ADGRF1: variants seen among roughly 807,000 people sequenced by gnomAD.
ADGRF1 encodes the protein adhesion G protein-coupled receptor F1.
In ADGRF1, 85 loss-of-function variants were observed where a neutral mutation model predicts 87.2. That is an observed-to-expected ratio of 0.97 (90% CI 0.82 to 1.17). ADGRF1 has a LOEUF of 1.17. ADGRF1 is among the 50% of genes most tolerant of loss of function. The probability of loss-of-function intolerance (pLI) is 0.00; values close to 1 mark genes in which losing one functional copy is unlikely to be tolerated. For missense variants in ADGRF1, 1,169 were observed against 1,077.2 expected (o/e 1.09, Z -1.19); for synonymous variants, 430 against 408.8 (o/e 1.05, Z -0.63).
intron 7 of ADGRF1, 178 bp from the exon 8 acceptor site, chr6:47,016,946 T>G: frequency 2.0e-6 from 1 of 511,026 alleles, no homozygotes; most frequent in Non-Finnish European, 2.8e-6. Context: ...TACATATATA[T>G]ATGATATATA....
At chr6:47,021,242 G>T (rs1582167812) in intron 6 of ADGRF1, among the ~76,000 whole-genome samples, 1 of 152,288 alleles carries the variant, frequency 6.6e-6, no homozygotes, top group Non-Finnish European at 1.5e-5. Context: ...CACTGATCTA[G>T]TTTTTATGTG....
chr6:47,007,269 A>T lies in ADGRF1; in HGVS notation c.2516T>A (p.Ile839Lys), dbSNP rs752184528. Reference sequence around the variant, plus strand: ...TACACATACCTTACTGTCCAAGAGTATTCCAAAGCATAAGATAAAAAATCC... The same window carrying T: ...TACACATACCTTACTGTCCAAGAGTTTTCCAAAGCATAAGATAAAAAATCC... The part of the protein sequence containing the change: ...FQGFFILCFG[I>K]LLDSKLRQLL... The change falls in exon 12 of 15, where the codon ATA becomes AAA. Residue 839 changes from isoleucine to lysine, a missense_variant. Coordinates refer to ENST00000371253, the MANE Select transcript of ADGRF1 (RefSeq NM_153840.4). The T allele has an allele frequency of 6.5e-7, 1 of 1,549,888 alleles. No individual in the cohort carries two copies. The highest frequency in any genetic ancestry group is 1.7e-5 in the Admixed American group (1 of 59,388).
At chr6:47,012,265 T>C in intron 9 of ADGRF1, 70 bp from the exon 10 acceptor site, 1 of 1,571,112 alleles carries the variant, frequency 6.4e-7, no homozygotes, top group Non-Finnish European at 8.7e-7. Context: ...AAATCAGATG[T>C]CTTGGCCATA....
chr6:47,027,450 A>G (rs1250631166), intron 3 of ADGRF1, among the ~76,000 whole-genome samples: 2 of 152,240 alleles, frequency 1.3e-5, no homozygotes, highest in Non-Finnish European at 2.9e-5. Context: ...CATTGTTAGA[A>G]TCAAGGCACA....
At chr6:47,033,023 C>T (rs972214742) in intron 1 of ADGRF1, among the ~76,000 whole-genome samples, 4 of 152,216 alleles carry the variant, frequency 2.6e-5, no homozygotes, top group Non-Finnish European at 5.9e-5. Context: ...GTATTTTCAT[C>T]GCTTCCCTTC....
At chr6:47,041,014 A>G (rs1780725414) in intron 1 of ADGRF1, among the ~76,000 whole-genome samples, 1 of 152,232 alleles carries the variant, frequency 6.6e-6, no homozygotes, top group African/African-American at 2.4e-5. Flanking sequence ...GTTGTGCACA[A>G]AAGGTGAGTT....
chr6:47,027,881 G>T, intron 2 of ADGRF1, 120 bp from the exon 3 acceptor site: 1 of 716,786 alleles, frequency 1.4e-6, no homozygotes. Context: ...AGGGATGGTG[G>T]AGAGGCGGCC....
At position 47,020,832 on chromosome 6, in the gene ADGRF1, G is replaced by A. The variant is rs376361889; in HGVS notation, c.553-43C>T. The stretch of plus-strand genomic sequence containing the variant: ...GAACAATGTGTTAATTGTTCTTCCC[G>A]TACTTCAGAAAGACATTTGAGCAAA... On this transcript the variant is annotated intron_variant, in intron 6 of 14. Coordinates refer to ENST00000371253, the MANE Select transcript of ADGRF1 (RefSeq NM_153840.4). The A allele has an allele frequency of 7.0e-5, 106 of 1,523,392 alleles. 1 individual carries two copies. The highest frequency in any genetic ancestry group is 3.4e-4 in the South Asian group (30 of 88,298). The allele number at this position is 1,523,392 out of a possible 1,614,324, so 94.4% of individuals were successfully genotyped here.
intron 7 of ADGRF1, chr6:47,018,154 C>T (rs969689471): frequency 8.2e-6 from 2 of 244,402 alleles, no homozygotes; most frequent in East Asian, 1.2e-4. Flanking sequence ...TCAAGTAGGC[C>T]GTTGGTTATT....
chr6:47,032,961 G>A (rs1425612194), intron 1 of ADGRF1, among the ~76,000 whole-genome samples: 1 of 152,212 alleles, frequency 6.6e-6, no homozygotes, highest in Non-Finnish European at 1.5e-5. Context: ...CGTGTGTGCA[G>A]GGTCATCATA....
intron 1 of ADGRF1, among the ~76,000 whole-genome samples, chr6:47,038,217 CAGTT>C (rs1272175481): frequency 2.6e-5 from 4 of 152,202 alleles, no homozygotes; most frequent in Admixed American, 1.3e-4. Flanking sequence ...TTTAGTCTAA[CAGTT>C]AGTTCTTAAA....
In ADGRF1 at chr6:47,006,198, T is replaced by C. The variant is rs554128241; in HGVS notation, c.2533-322A>G. ...CCACATGAATGGTAAGACAAGGCAA[T>C]TACTTTTAGTACAATTAAGAACAGC... On this transcript the variant is annotated intron_variant, in intron 12 of 14. Transcript: ENST00000371253. 1.5e-3 allele frequency among the ~76,000 whole-genome samples: 229 copies of C among 152,310 alleles called. 1 individual carries two copies. Among genetic ancestry groups the C allele is most frequent in the Non-Finnish European group, 2.5e-3 (173 of 68,032 alleles).
At position 47,012,060 on chromosome 6, in the gene ADGRF1, T is replaced by A. The variant is rs1582150895; in HGVS notation, c.1063A>T (p.Ile355Phe). 6.2e-7 allele frequency: 1 copy of A among 1,613,986 alleles called. No homozygotes were observed. The highest frequency in any genetic ancestry group is 2.2e-5 in the East Asian group (1 of 44,876). The stretch of plus-strand genomic sequence containing the variant: ...TGGCTGGCCAGTGACAGAGATGAAA[T>A]ATTGCTCAGAATCGACACCACCGAA... ...LASVVSILSN[I>F]SSLSLASHFR... The change falls in exon 10 of 15, where the codon ATT (isoleucine) becomes TTT (phenylalanine). Residue 355 changes from isoleucine to phenylalanine, a missense_variant. Physicochemically the swap from Ile to Phe is conservative, Grantham distance 21. Coordinates refer to ENST00000371253, the MANE Select transcript of ADGRF1 (RefSeq NM_153840.4).
intron 7 of ADGRF1, chr6:47,018,268 T>G: frequency 1.5e-6 from 1 of 660,640 alleles, no homozygotes; most frequent in Non-Finnish European, 2.2e-6. Flanking sequence ...ATCAATACAT[T>G]AAGTCAATCC....
intron 7 of ADGRF1, chr6:47,019,731 G>T: frequency 1.0e-6 from 1 of 976,932 alleles, no homozygotes. Context: ...ATGTCCTATG[G>T]GTGTTTTTAA....
intron 2 of ADGRF1, among the ~76,000 whole-genome samples, chr6:47,028,140 T>C (rs1455720284): frequency 6.6e-6 from 1 of 152,066 alleles, no homozygotes; most frequent in Non-Finnish European, 1.5e-5. Context: ...GGGAAAAACA[T>C]GCTGTAACTT....
intron 11 of ADGRF1, 58 bp from the exon 12 acceptor site, chr6:47,007,352 G>A: frequency 9.7e-7 from 1 of 1,035,894 alleles, no homozygotes; most frequent in Non-Finnish European, 1.5e-6. Flanking sequence ...AAAAAAGAAA[G>A]CATTTATATG....
At chr6:47,025,086 A>G (rs1339349291) in intron 4 of ADGRF1, among the ~76,000 whole-genome samples, 1 of 152,216 alleles carries the variant, frequency 6.6e-6, no homozygotes, top group Non-Finnish European at 1.5e-5. Flanking sequence ...AAGTTTCTCT[A>G]GTAGCAATCC....
intron 7 of ADGRF1, 170 bp from the exon 8 acceptor site, chr6:47,016,938 CAT>C: frequency 3.3e-6 from 2 of 610,198 alleles, no homozygotes; most frequent in Non-Finnish European, 4.5e-6. Context: ...ACCAAAAATA[CAT>C]ATATATATGA....
Sources: gnomAD v4.1 joint callset for allele counts (sites outside exome capture counted in the v4.1 genomes callset) on GRCh38, gnomAD v4.1.1 for gene constraint, MANE v1.5 for transcripts, NCBI Gene and HGNC (gene_info 2026-07-23, HGNC 2026-07-21) for gene names.